NINJ2: variants seen among roughly 807,000 people sequenced by gnomAD.
NINJ2 encodes the protein ninjurin-2.
NINJ2 carries 12 observed loss-of-function variants against 11.7 expected under a neutral mutation model. The observed-to-expected ratio is 1.02, with a 90% CI of 0.66 to 1.66. The LOEUF is 1.66. Ranked by LOEUF, NINJ2 falls within the 40% of genes most tolerant of loss-of-function variation. NINJ2 has a pLI of 0.00. For synonymous variants in NINJ2, 93 were observed against 76.8 expected, an observed-to-expected ratio of 1.21 and a Z score of -1.10; for missense variants, 187 against 181.8, an observed-to-expected ratio of 1.03 and a Z score of -0.16.
chr12:638,571 A>G (rs1565644932), intron 1 of NINJ2, among the ~76,000 whole-genome samples: 2 of 152,146 alleles, frequency 1.3e-5, no homozygotes, highest in South Asian at 2.1e-4. Flanking sequence ...GCCCGCCACC[A>G]CGCCTGGCTA....
intron 1 of NINJ2, among the ~76,000 whole-genome samples, chr12:602,505 CATTTTGCTT>C (rs1947886177): frequency 6.6e-6 from 1 of 152,204 alleles, no homozygotes; most frequent in Non-Finnish European, 1.5e-5. Flanking sequence ...ATTGGATATA[CATTTTGCTT>C]ATACATTCCT....
At chr12:571,758 T>C (rs1359932584) in intron 1 of NINJ2, among the ~76,000 whole-genome samples, 1 of 152,218 alleles carries the variant, frequency 6.6e-6, no homozygotes, top group Non-Finnish European at 1.5e-5. Context: ...AACATGTTTT[T>C]CATTGTTTAT....
intron 1 of NINJ2, among the ~76,000 whole-genome samples, chr12:655,784 G>A (rs1456496571): frequency 2.0e-5 from 3 of 151,850 alleles, no homozygotes; most frequent in Non-Finnish European, 2.9e-5. Flanking sequence ...ATGGTGGCAC[G>A]CACCTGTAAT....
chr12:622,660 C>A (rs1310124372), intron 1 of NINJ2, among the ~76,000 whole-genome samples: 5 of 152,076 alleles, frequency 3.3e-5, no homozygotes, highest in Admixed American at 3.3e-4. Flanking sequence ...CACCTTCATC[C>A]TCTAGAAAAA....
intron 2 of NINJ2, 87 bp from the exon 3 acceptor site, chr12:565,488 G>T: frequency 7.3e-7 from 1 of 1,373,704 alleles, no homozygotes; most frequent in Non-Finnish European, 1.0e-6. Flanking sequence ...AGTTTGGAGA[G>T]AGGGGCCCTT....
At chr12:653,776 C>T (rs1422542526) in intron 1 of NINJ2, among the ~76,000 whole-genome samples, 1 of 152,036 alleles carries the variant, frequency 6.6e-6, no homozygotes, top group Non-Finnish European at 1.5e-5. Flanking sequence ...GTAGATCCAA[C>T]TATATCAGTA....
intron 1 of NINJ2, among the ~76,000 whole-genome samples, chr12:611,490 A>G (rs1194874949): frequency 1.3e-5 from 2 of 152,004 alleles, no homozygotes; most frequent in Non-Finnish European, 2.9e-5. Context: ...AGGGCACACC[A>G]CCACACCCAG....
intron 1 of NINJ2, among the ~76,000 whole-genome samples, chr12:636,026 A>C (rs1948348056): frequency 6.6e-6 from 1 of 151,416 alleles, no homozygotes; most frequent in Non-Finnish European, 1.5e-5. Flanking sequence ...GCAGTGAGCC[A>C]AGAGTGTGCC....
chr12:589,981 G>A (rs1395889564), intron 1 of NINJ2, among the ~76,000 whole-genome samples: 2 of 152,190 alleles, frequency 1.3e-5, no homozygotes, highest in Admixed American at 6.5e-5. Flanking sequence ...GAGGTGGAGC[G>A]GTGTGGGGCA....
intron 1 of NINJ2, among the ~76,000 whole-genome samples, chr12:647,388 A>C (rs1431336868): frequency 1.1e-4 from 16 of 152,202 alleles, no homozygotes. Flanking sequence ...TAAATCCCAC[A>C]AGTATGTGGC....
intron 1 of NINJ2, among the ~76,000 whole-genome samples, chr12:607,874 C>T (rs1176432376): frequency 6.6e-6 from 1 of 152,212 alleles, no homozygotes; most frequent in African/African-American, 2.4e-5. Context: ...CGTCCTCATT[C>T]TTGGCAGGAG....
intron 1 of NINJ2, among the ~76,000 whole-genome samples, chr12:598,792 T>C (rs948652268): frequency 2.0e-5 from 3 of 152,200 alleles, no homozygotes; most frequent in African/African-American, 7.2e-5. Context: ...CCCGACTTCC[T>C]GGGCTCTAGC....
At chr12:577,448 T>TATATACATATATA in intron 1 of NINJ2, among the ~76,000 whole-genome samples, 2 of 141,988 alleles carry the variant, frequency 1.4e-5, no homozygotes, top group East Asian at 2.0e-4. Flanking sequence ...TATATAAATA[T>TATATACATATATA]TTTGGCACGA....
intron 1 of NINJ2, among the ~76,000 whole-genome samples, chr12:573,126 C>T (rs976883612): frequency 2.0e-5 from 3 of 146,564 alleles, no homozygotes; most frequent in Non-Finnish European, 4.5e-5. Flanking sequence ...CCCGGGTTCA[C>T]GCCATTCTCC....
chr12:599,197 C>T (rs1369678339), intron 1 of NINJ2, among the ~76,000 whole-genome samples: 2 of 151,828 alleles, frequency 1.3e-5, no homozygotes, highest in Non-Finnish European at 2.9e-5. Flanking sequence ...GCTTGGCCAA[C>T]ATGGAGAAAC....
At chr12:567,297 C>T (rs181129139) in intron 1 of NINJ2, among the ~76,000 whole-genome samples, 13 of 140,810 alleles carry the variant, frequency 9.2e-5, no homozygotes, top group Non-Finnish European at 9.1e-5. Flanking sequence ...CAGATCACCA[C>T]GACAGGACAG....
At chr12:599,636 C>G (rs1275625925) in intron 1 of NINJ2, among the ~76,000 whole-genome samples, 1 of 152,192 alleles carries the variant, frequency 6.6e-6, no homozygotes, top group South Asian at 2.1e-4. Flanking sequence ...CAGGATGCCA[C>G]CCATGTTCGT....
At chr12:599,550 C>T (rs1203429838) in intron 1 of NINJ2, among the ~76,000 whole-genome samples, 1 of 152,210 alleles carries the variant, frequency 6.6e-6, no homozygotes, top group Non-Finnish European at 1.5e-5. Context: ...AACATGATCT[C>T]TGCAACATCC....
At chr12:643,673 G>A (rs1937629984) in intron 1 of NINJ2, 3 of 988,008 alleles carry the variant, frequency 3.0e-6, no homozygotes, top group African/African-American at 3.5e-5. Flanking sequence ...AGCGGCGGTC[G>A]TTTGAGCCAC....
Sources: gnomAD v4.1 joint callset for allele counts (sites outside exome capture counted in the v4.1 genomes callset) on GRCh38, gnomAD v4.1.1 for gene constraint, MANE v1.5 for transcripts, NCBI Gene and HGNC (gene_info 2026-07-23, HGNC 2026-07-21) for gene names.